HTR1F: variants seen among roughly 807,000 people sequenced by gnomAD.
HTR1F encodes 5-hydroxytryptamine (serotonin) receptor 1F, G protein-coupled.
In HTR1F, 17 loss-of-function variants were observed where a neutral mutation model predicts 24.0. The ratio of observed to expected loss-of-function variants is 0.71; its 90% CI spans 0.48 to 1.06. HTR1F has a LOEUF of 1.06. Among genes scored for constraint, HTR1F ranks in the 50% least tolerant of loss-of-function variants. The pLI is 0.00. For synonymous variants in HTR1F, 186 were observed against 156.8 expected (o/e 1.19, Z -1.39); for missense variants, 391 against 427.8 (o/e 0.91, Z 0.76).
At chr3:87,801,400 TTGATTTTGCCAAGGTTAAGAGTGCACC>T (rs1252135088) in intron 1 of HTR1F, among the ~76,000 whole-genome samples, 7 of 152,212 alleles carry the variant, frequency 4.6e-5, no homozygotes, top group African/African-American at 1.7e-4. Flanking sequence ...ATTTAGAAAG[TTGATTTTGCCAAGGTTAAGAGTGCACC>T]TGTGACACAG....
At chr3:87,982,365 T>A (rs756727445) in intron 2 of HTR1F, among the ~76,000 whole-genome samples, 9 of 152,208 alleles carry the variant, frequency 5.9e-5, no homozygotes, top group Non-Finnish European at 7.3e-5. Context: ...TGAAATAGTC[T>A]GAAAAAGAAG....
At chr3:87,908,084 T>C (rs767744356) in intron 2 of HTR1F, among the ~76,000 whole-genome samples, 1 of 152,044 alleles carries the variant, frequency 6.6e-6, no homozygotes, top group African/African-American at 2.4e-5. Context: ...ATAAGTGTTA[T>C]ACCAACACAT....
chr3:87,853,182 C>T (rs1354043709), intron 2 of HTR1F, among the ~76,000 whole-genome samples: 1 of 151,558 alleles, frequency 6.6e-6, no homozygotes, highest in Non-Finnish European at 1.5e-5. Context: ...AAGCCTAGTA[C>T]CCATTAGTTA....
chr3:87,882,528 T>A (rs1339389074), intron 2 of HTR1F, among the ~76,000 whole-genome samples: 2 of 152,024 alleles, frequency 1.3e-5, no homozygotes, highest in Non-Finnish European at 2.9e-5. Flanking sequence ...TATGCAGCCA[T>A]AAAGAATGAT....
At chr3:87,878,578 G>A (rs1705720940) in intron 2 of HTR1F, among the ~76,000 whole-genome samples, 1 of 152,064 alleles carries the variant, frequency 6.6e-6, no homozygotes, top group African/African-American at 2.4e-5. Context: ...GTATCTCTAA[G>A]TAGAAATTAG....
At chr3:87,885,956 T>C (rs1705930794) in intron 2 of HTR1F, among the ~76,000 whole-genome samples, 2 of 151,900 alleles carry the variant, frequency 1.3e-5, no homozygotes, top group African/African-American at 2.4e-5. Flanking sequence ...TTCCAATCAA[T>C]AGAAAAAGAG....
At chr3:87,962,447 A>G (rs2068948) in intron 2 of HTR1F, among the ~76,000 whole-genome samples, 13,369 of 152,096 alleles carry the variant, frequency 0.088, 629 homozygotes, top group African/African-American at 0.11. Context: ...AGCCGAGAGA[A>G]ATTTATGCAC....
intron 2 of HTR1F, among the ~76,000 whole-genome samples, chr3:87,977,760 TCACA>T (rs10600310): frequency 0.35 from 53,514 of 151,308 alleles, 9,757 homozygotes; most frequent in African/African-American, 0.45. Flanking sequence ...TTTCCTGAGC[TCACA>T]CACACTATTA....
At chr3:87,934,019 T>A (rs929605276) in intron 2 of HTR1F, among the ~76,000 whole-genome samples, 11 of 152,220 alleles carry the variant, frequency 7.2e-5, no homozygotes, top group Non-Finnish European at 5.9e-5. Flanking sequence ...CTGGGAAAAC[T>A]GTTCCTGCTG....
Position 87,991,368 on chromosome 3 carries a change from G to A in HTR1F, c.619G>A (p.Ala207Thr), listed in dbSNP as rs1412882749. 3.1e-6 allele frequency: 5 copies of A among 1,613,934 alleles called. No homozygotes were observed. Among genetic ancestry groups the A allele is most frequent in the Non-Finnish European group, 1.7e-6 (2 of 1,180,008 alleles). ...GATCCTTTACTACAAAATATATAGAGCAGCAAAGACATTATACCACAAGAG... is the reference window on the plus strand; with the variant it reads ...GATCCTTTACTACAAAATATATAGAACAGCAAAGACATTATACCACAAGAG... ...ILILYYKIYR[A>T]AKTLYHKRQA... The change falls in exon 3 of 3, where the codon GCA becomes ACA. Residue 207 changes from alanine (A) to threonine (T), a missense_variant. Coordinates refer to ENST00000319595, the MANE Select transcript of HTR1F (RefSeq NM_001322209.2).
rs193104281 is a variant in HTR1F at position 87,851,380 on chromosome 3, T to G, written c.-43+29256T>G. ...GTCATGTGTATTTTTTTAACTACTA[T>G]TTTTTTAAACTTTCATTCAATCTGA... is the stretch of plus-strand genomic sequence containing the variant. On this transcript the variant is annotated intron_variant, in intron 2 of 2. Transcript: ENST00000319595. Among the ~76,000 whole-genome samples the G allele has an allele frequency of 4.8e-4, 73 of 151,700 alleles. No homozygotes were observed. In the East Asian group the frequency reaches 0.014, roughly 28 times the overall value.
chr3:87,841,786 G>GC (rs1460560078), intron 2 of HTR1F, among the ~76,000 whole-genome samples: 1 of 151,032 alleles, frequency 6.6e-6, no homozygotes. Flanking sequence ...TGTAATCCCA[G>GC]CTACTCAGGA....
chr3:87,874,760 C>T (rs542420716), intron 2 of HTR1F, among the ~76,000 whole-genome samples: 1 of 152,104 alleles, frequency 6.6e-6, no homozygotes, highest in South Asian at 2.1e-4. Context: ...TACAAAGCTA[C>T]AGTAATCAAA....
intron 1 of HTR1F, among the ~76,000 whole-genome samples, chr3:87,801,674 AG>A (rs1703991976): frequency 6.6e-6 from 1 of 152,158 alleles, no homozygotes; most frequent in Non-Finnish European, 1.5e-5. Flanking sequence ...GCCTTTCCAA[AG>A]GAGGCTATCT....
At chr3:87,987,718 ATT>A (rs1364219943) in intron 2 of HTR1F, among the ~76,000 whole-genome samples, 1 of 91,750 alleles carries the variant, frequency 1.1e-5, no homozygotes, top group Admixed American at 1.2e-4. Flanking sequence ...ATATATATGT[ATT>A]TTATATATGT....
At chr3:87,838,378 C>T (rs1330100082) in intron 2 of HTR1F, among the ~76,000 whole-genome samples, 1 of 152,090 alleles carries the variant, frequency 6.6e-6, no homozygotes, top group Non-Finnish European at 1.5e-5. Context: ...CCCCTGCTGC[C>T]ATCTATCTTC....
chr3:87,865,200 G>A (rs1273549396), intron 2 of HTR1F, among the ~76,000 whole-genome samples: 1 of 151,658 alleles, frequency 6.6e-6, no homozygotes, highest in East Asian at 1.9e-4. Context: ...AGAACAATGT[G>A]GTTTTTTTTG....
At chr3:87,824,809 A>T (rs770771691) in intron 2 of HTR1F, among the ~76,000 whole-genome samples, 36 of 152,238 alleles carry the variant, frequency 2.4e-4, no homozygotes, top group Non-Finnish European at 4.7e-4. Context: ...ATTAATTCAA[A>T]TAAATAATAA....
chr3:87,932,890 G>A (rs1704316712), intron 2 of HTR1F, among the ~76,000 whole-genome samples: 1 of 151,368 alleles, frequency 6.6e-6, no homozygotes, highest in Non-Finnish European at 1.5e-5. Flanking sequence ...GCCAGGCAGA[G>A]ACACAACCAA....
Sources: gnomAD v4.1 joint callset for allele counts (sites outside exome capture counted in the v4.1 genomes callset) on GRCh38, gnomAD v4.1.1 for gene constraint, MANE v1.5 for transcripts, NCBI Gene and HGNC (gene_info 2026-07-23, HGNC 2026-07-21) for gene names.